Variants in SLX4 observed in about 807,000 individuals in gnomAD.
SLX4 encodes the protein structure-specific endonuclease subunit SLX4.
A neutral mutation model predicts 146.2 loss-of-function variants in SLX4; 112 were observed. The observed-to-expected ratio is 0.77, with a 90% CI of 0.66 to 0.90. SLX4 has a LOEUF of 0.90. Ranked by LOEUF, SLX4 falls within the 40% of genes least tolerant of loss-of-function variation. The pLI, the probability that SLX4 is intolerant of heterozygous loss-of-function variation, is 0.00. For synonymous variants in SLX4, 1,061 were observed against 997.7 expected, an observed-to-expected ratio of 1.06 and a Z score of -1.20; for missense variants, 2,563 against 2,392.7, an observed-to-expected ratio of 1.07 and a Z score of -1.49.
chr16:3,582,057 A>T lies in SLX4; in HGVS notation c.*285T>A. 2.0e-6 allele frequency: 1 copy of T among 504,430 alleles called. No individual in the cohort carries two copies. Among genetic ancestry groups the T allele is most frequent in the Non-Finnish European group, 3.6e-6 (1 of 281,100 alleles). 31.2% of individuals were successfully genotyped at this position (504,430 alleles called of 1,614,324 possible). On this transcript the variant is annotated 3_prime_UTR_variant, in exon 15 of 15. Coordinates refer to ENST00000294008, the MANE Select transcript of SLX4 (RefSeq NM_032444.4). ...GACTGTCTCAAAAAGAAAAAAAAAA[A>T]GAAAACCAAAAAGGGAGACACACTG...
At position 3,590,649 on chromosome 16, in the gene SLX4, G is replaced by A. The variant is rs2151124621; in HGVS notation, c.2989C>T (p.Pro997Ser). 6.2e-7 allele frequency: 1 copy of A among 1,614,166 alleles called. No individual in the cohort carries two copies. Among genetic ancestry groups the A allele is most frequent in the Non-Finnish European group, 8.5e-7 (1 of 1,180,032 alleles). Residue 997 changes from proline (P) to serine (S), a missense_variant, in exon 12 of 15, where the codon CCG becomes TCG. Transcript: ENST00000294008. The surrounding 1 kb of genome is among the most constrained non-coding windows in gnomAD (Gnocchi z 4.8). ...FSSTQGEISEPSQITSEPEEQ... is the reference protein window; with the variant it reads ...FSSTQGEISESSQITSEPEEQ... ...TCGGGCTCACTTGTTATTTGGGACG[G>A]CTCTGAGATCTCTCCCTGAGTTGAT...
chr16:3,600,663 C>T (rs1451039043), intron 5 of SLX4: 19 of 305,038 alleles, frequency 6.2e-5, no homozygotes, highest in South Asian at 1.2e-4. Context: ...TGCAGTGGTA[C>T]GATCTTGGCT....
chr16:3,609,519 C>T lies in SLX4; in HGVS notation c.-555G>A, dbSNP rs1257361297. 6.4e-6 allele frequency: 1 copy of T among 155,102 alleles called. No individual in the cohort carries two copies. The highest frequency in any genetic ancestry group is 6.3e-5 in the Admixed American group (1 of 15,898). The allele number at this position is 155,102 out of a possible 1,614,324, so 9.6% of individuals were successfully genotyped here. On this transcript the variant is annotated 5_prime_UTR_variant, in exon 2 of 15. Coordinates refer to ENST00000294008, the MANE Select transcript of SLX4 (RefSeq NM_032444.4). ...TGAACCTGGTGCTCAGATAATTCTC[C>T]AAGATCTCCATGATGATGAAACATA...
In SLX4 at chr16:3,600,504, C is replaced by T. The variant is rs542521394; in HGVS notation, c.1163+475G>A. On this transcript the variant is annotated intron_variant, in intron 5 of 14. Coordinates refer to ENST00000294008, the MANE Select transcript of SLX4 (RefSeq NM_032444.4). ...ATGCAGATTCTGTCCCCTCCTCACT[C>T]CCTTCTAGACTGTGCCCGATTTCCG... is the stretch of plus-strand genomic sequence containing the variant. 1.7e-5 allele frequency: 3 copies of T among 179,526 alleles called. No homozygotes were observed. In the South Asian group the frequency reaches 3.4e-4, roughly 20 times the overall value. 11.1% of individuals were successfully genotyped at this position (179,526 alleles called of 1,614,324 possible). A position where few individuals can be genotyped will look rare whatever the true frequency, so the allele number is the denominator to read the frequency against.
intron 5 of SLX4, among the ~76,000 whole-genome samples, chr16:3,599,107 G>A (rs746392790): frequency 1.9e-4 from 29 of 152,168 alleles, no homozygotes; most frequent in South Asian, 6.2e-4. Context: ...TGCTTTTGGC[G>A]TGGTCCTGCC....
Position 3,589,889 on chromosome 16 carries a change from G to A in SLX4, c.3749C>T (p.Thr1250Ile). The change falls in exon 12 of 15, where the codon ACC (threonine) becomes ATC (isoleucine). Residue 1250 changes from threonine (T) to isoleucine (I), a missense_variant. Thr to Ile is a moderately conservative substitution (Grantham distance 89, BLOSUM62 -1). Transcript: ENST00000294008. The surrounding 1 kb of genome is among the most constrained non-coding windows in gnomAD (Gnocchi z 6.2). ...GGGCACCAGCCACGAGGTGTCTGTGGTGCTGGCCTCGCTGGGGCTGCTCTC... is the reference window on the plus strand; with the variant it reads ...GGGCACCAGCCACGAGGTGTCTGTGATGCTGGCCTCGCTGGGGCTGCTCTC... ...DRESSPSEAS[T>I]TDTSWLVPAT... is the part of the protein sequence containing the mutation. 6.2e-7 allele frequency: 1 copy of A among 1,613,818 alleles called. No individual in the cohort carries two copies. Among genetic ancestry groups the A allele is most frequent in the Non-Finnish European group, 8.5e-7 (1 of 1,180,008 alleles).
chr16:3,609,075 T>A lies in SLX4; in HGVS notation c.-111A>T. ...GAAGTATCTTTGTTCAAATTGGGCC[T>A]GTGGTTAAACATGTTTAAAGCTTCC... On this transcript the variant is annotated 5_prime_UTR_variant, in exon 2 of 15. Transcript: ENST00000294008. 1 of 1,354,522 alleles carries A rather than the reference T, an allele frequency of 7.4e-7. No homozygotes were observed. Among genetic ancestry groups the A allele is most frequent in the Non-Finnish European group, 1.0e-6 (1 of 984,956 alleles). The allele number at this position is 1,354,522 out of a possible 1,614,324, so 83.9% of individuals were successfully genotyped here.
chr16:3,601,353 G>A (rs2040725778), intron 4 of SLX4, 162 bp from the exon 5 acceptor site: 2 of 708,962 alleles, frequency 2.8e-6, no homozygotes, highest in Non-Finnish European at 5.0e-6. Context: ...TCAGCCCCTA[G>A]ACACTACACT....
intron 3 of SLX4, among the ~76,000 whole-genome samples, chr16:3,604,134 A>G (rs760363791): frequency 4.6e-5 from 7 of 151,310 alleles, no homozygotes; most frequent in Non-Finnish European, 8.8e-5. Context: ...CAGGAGGCCG[A>G]GGCACGAGAA....
At chr16:3,607,002 A>G (rs1423670156) in intron 2 of SLX4, among the ~76,000 whole-genome samples, 1 of 152,232 alleles carries the variant, frequency 6.6e-6, no homozygotes, top group Non-Finnish European at 1.5e-5. Context: ...CTGTGAATAT[A>G]CTAAAAACCA....
intron 9 of SLX4, 128 bp from the exon 10 acceptor site, chr16:3,594,727 T>A: frequency 7.9e-7 from 1 of 1,263,832 alleles, no homozygotes; most frequent in Non-Finnish European, 1.1e-6. Flanking sequence ...TCTCCTTTCC[T>A]CTCCAAAACG....
At position 3,589,770 on chromosome 16, in the gene SLX4, G is replaced by T. The variant is rs112596894; in HGVS notation, c.3868C>A (p.His1290Asn). The stretch of plus-strand genomic sequence containing the variant: ...TTTCCTACTGAGGCCCTGGGCGTGT[G>T]CTGAGTCACCGCCTGCACGGCCAGC... Reference protein sequence around the residue: ...SGLAVQAVTQHTPRASVGNRE... With the variant: ...SGLAVQAVTQNTPRASVGNRE... Residue 1290 changes from histidine (H) to asparagine (N), a missense_variant, in exon 12 of 15, where the codon CAC becomes AAC. By Grantham distance (68) the His-to-Asn change is moderately conservative (BLOSUM62 1). Transcript: ENST00000294008. The surrounding 1 kb of genome is among the most constrained non-coding windows in gnomAD (Gnocchi z 6.2). 12,632 of 1,613,546 alleles carry T rather than the reference G, an allele frequency of 7.8e-3. 1,076 individuals are homozygous for T. The Admixed American group carries it at 0.17, about 22-fold the overall frequency.
rs1474514680 is a variant in SLX4, at chr16:3,597,088, A to T, written c.1683+291T>A. On this transcript the variant is annotated intron_variant, in intron 7 of 14. Coordinates refer to ENST00000294008, the MANE Select transcript of SLX4 (RefSeq NM_032444.4). The surrounding 1 kb of genome is among the most constrained non-coding windows in gnomAD (Gnocchi z 4.4). ...CGCCCACCTCAGCCTCCCAAAGTGC[A>T]GGGATTACGGGCGTGAGCCACTGCG... is the stretch of plus-strand genomic sequence containing the variant. Among the ~76,000 whole-genome samples the T allele has an allele frequency of 6.6e-6, 1 of 152,080 alleles. No homozygotes were observed. The highest frequency in any genetic ancestry group is 2.4e-5 in the African/African-American group (1 of 41,402).
rs545029098 is a variant in SLX4, at chr16:3,582,919, C to T, written c.5153+178G>A. Among the ~76,000 whole-genome samples, 12 of 152,326 alleles carry T rather than the reference C, an allele frequency of 7.9e-5. No homozygotes were observed. The South Asian group carries it at 1.9e-3, about 24-fold the overall frequency. On this transcript the variant is annotated intron_variant, in intron 14 of 14. Coordinates refer to ENST00000294008, the MANE Select transcript of SLX4 (RefSeq NM_032444.4). ...TGTGGGGCAGGAACCAGGAGGCCTG[C>T]GCAGGGCTGGGGTCAGGGAACCAGC...
At chr16:3,605,443 GA>G (rs2040771679) in intron 3 of SLX4, among the ~76,000 whole-genome samples, 1 of 151,704 alleles carries the variant, frequency 6.6e-6, no homozygotes, top group African/African-American at 2.4e-5. Flanking sequence ...GGCTGGTCTC[GA>G]ACTTGTGACC....
At position 3,608,355 on chromosome 16, in the gene SLX4, A is replaced by G. The variant is rs186394026; in HGVS notation, c.535+75T>C. On this transcript the variant is annotated intron_variant, in intron 2 of 14. Coordinates refer to ENST00000294008, the MANE Select transcript of SLX4 (RefSeq NM_032444.4). ...AGTTGTGACAGAGTCTGTGTGGCCT[A>G]CAAAGCCAAAATATTTACGATCTGG... 1.7e-5 allele frequency: 26 copies of G among 1,559,656 alleles called. No individual in the cohort carries two copies. In the Admixed American group the frequency reaches 3.0e-4, roughly 18 times the overall value.
rs942673733 is a variant in SLX4 at position 3,581,847 on chromosome 16, A to G, written c.*495T>C. The G allele has an allele frequency of 5.6e-6, 1 of 179,548 alleles. No individual in the cohort carries two copies. Among genetic ancestry groups the G allele is most frequent in the Non-Finnish European group, 1.2e-5 (1 of 82,942 alleles). 11.1% of individuals were successfully genotyped at this position (179,548 alleles called of 1,614,324 possible). A position where few individuals can be genotyped will look rare whatever the true frequency, so the allele number is the denominator to read the frequency against. The stretch of plus-strand genomic sequence containing the variant: ...TGCCTGAGCTCTGGAGTTTGTGACC[A>G]GCCTGAGCAACATGGTGAAACCCCG... On this transcript the variant is annotated 3_prime_UTR_variant, in exon 15 of 15. Transcript: ENST00000294008.
chr16:3,610,403 T>C (rs999728075), intron 1 of SLX4, among the ~76,000 whole-genome samples: 8 of 152,222 alleles, frequency 5.3e-5, no homozygotes, highest in African/African-American at 1.9e-4. Context: ...TGTCATAGGT[T>C]ATCATCATAT....
At position 3,606,700 on chromosome 16, in the gene SLX4, T is replaced by C. The variant is rs1028637383; in HGVS notation, c.536-2A>G. 3 of 1,613,448 alleles carry C rather than the reference T, an allele frequency of 1.9e-6. No individual in the cohort carries two copies. The highest frequency in any genetic ancestry group is 2.2e-5 in the East Asian group (1 of 44,874). On this transcript the variant is annotated splice_acceptor_variant, in intron 2 of 14. Transcript: ENST00000294008. LOFTEE classifies it high-confidence loss of function. The stretch of plus-strand genomic sequence containing the variant: ...GGGAGTCGCTGTTGGGCACATTCTC[T>C]GGCAAGGAGGAAAATATTCACAACC...
Sources: gnomAD v4.1 joint callset for allele counts (sites outside exome capture counted in the v4.1 genomes callset) on GRCh38, gnomAD v4.1.1 for gene constraint, Gnocchi (gnomAD v3.1) non-coding constraint, MANE v1.5 for transcripts, NCBI Gene and HGNC (gene_info 2026-07-23, HGNC 2026-07-21) for gene names.